Variants in TXNRD1 observed in about 807,000 individuals in gnomAD.
TXNRD1 encodes the protein thioredoxin reductase 1, cytoplasmic.
A neutral mutation model predicts 80.3 loss-of-function variants in TXNRD1; 57 were observed. The ratio of observed to expected loss-of-function variants is 0.71; its 90% CI spans 0.57 to 0.89. The LOEUF is 0.89. TXNRD1 is among the 40% of genes least tolerant of loss of function. The pLI, the probability that TXNRD1 is intolerant of heterozygous loss-of-function variation, is 0.00. For synonymous variants in TXNRD1, 291 were observed against 285.2 expected (o/e 1.02, Z -0.20); for missense variants, 730 against 803.0 (o/e 0.91, Z 1.10).
At chr12:104,237,185 T>A (rs1247532956) in intron 1 of TXNRD1, among the ~76,000 whole-genome samples, 2 of 152,220 alleles carry the variant, frequency 1.3e-5, no homozygotes, top group Non-Finnish European at 2.9e-5. Context: ...TTTTGGGGTA[T>A]CAAATTACTT....
chr12:104,266,462 G>A (rs1217671739), intron 3 of TXNRD1, among the ~76,000 whole-genome samples: 2 of 145,808 alleles, frequency 1.4e-5, no homozygotes, highest in East Asian at 4.1e-4. Context: ...GGAGGTGGAG[G>A]TTGCAGTGAG....
chr12:104,285,740 T>C (rs908373839), intron 3 of TXNRD1, among the ~76,000 whole-genome samples: 3 of 152,200 alleles, frequency 2.0e-5, no homozygotes, highest in Admixed American at 6.5e-5. Flanking sequence ...TATAAAATTA[T>C]TAATACAGAA....
intron 1 of TXNRD1, among the ~76,000 whole-genome samples, chr12:104,229,403 C>G (rs2032559737): frequency 6.6e-6 from 1 of 151,444 alleles, no homozygotes; most frequent in Non-Finnish European, 1.5e-5. Flanking sequence ...CTGCCTTGGC[C>G]TATTCTGGGC....
At chr12:104,251,925 G>A (rs557278385) in intron 2 of TXNRD1, among the ~76,000 whole-genome samples, 68 of 152,050 alleles carry the variant, frequency 4.5e-4, no homozygotes, top group African/African-American at 1.5e-3. Flanking sequence ...TTAGCCCAAC[G>A]TGGTGTCATG....
chr12:104,224,574 C>T (rs773232041), intron 1 of TXNRD1, among the ~76,000 whole-genome samples: 2 of 151,866 alleles, frequency 1.3e-5, no homozygotes, highest in Non-Finnish European at 2.9e-5. Flanking sequence ...TTAGTAAAGA[C>T]GGGGTTTCAC....
At chr12:104,217,762 A>G (rs2032250277) in intron 1 of TXNRD1, among the ~76,000 whole-genome samples, 1 of 152,232 alleles carries the variant, frequency 6.6e-6, no homozygotes, top group East Asian at 1.9e-4. Context: ...AGCCCCTGGT[A>G]TCCATCATTC....
intron 1 of TXNRD1, among the ~76,000 whole-genome samples, chr12:104,222,436 A>G (rs1465630506): frequency 6.6e-6 from 1 of 152,246 alleles, no homozygotes; most frequent in Non-Finnish European, 1.5e-5. Context: ...GAAAGAACCA[A>G]TAAAATGGTA....
At chr12:104,319,108 A>G in intron 8 of TXNRD1, 53 bp downstream of exon 8, 1 of 1,553,750 alleles carries the variant, frequency 6.4e-7, no homozygotes, top group Non-Finnish European at 8.7e-7. Flanking sequence ...TCTCTTTTTA[A>G]AAGCTTTGGT....
chr12:104,309,481 G>T, intron 4 of TXNRD1, among the ~76,000 whole-genome samples: 1 of 152,162 alleles, frequency 6.6e-6, no homozygotes, highest in South Asian at 2.1e-4. Flanking sequence ...TAGGTATGTT[G>T]GAGGAGGGGG....
At chr12:104,275,583 G>A (rs112176548) in intron 3 of TXNRD1, among the ~76,000 whole-genome samples, 2,714 of 151,986 alleles carry the variant, frequency 0.018, 74 homozygotes, top group African/African-American at 0.061. Context: ...GGGTTTCTCC[G>A]TGTTGGTCAG....
intron 4 of TXNRD1, among the ~76,000 whole-genome samples, chr12:104,305,449 G>A (rs998319817): frequency 7.2e-5 from 11 of 152,162 alleles, no homozygotes; most frequent in African/African-American, 2.7e-4. Flanking sequence ...TTATGAGTGA[G>A]TATCCATATT....
At chr12:104,236,203 C>G (rs1488742285) in intron 1 of TXNRD1, among the ~76,000 whole-genome samples, 1 of 152,070 alleles carries the variant, frequency 6.6e-6, no homozygotes, top group Non-Finnish European at 1.5e-5. Flanking sequence ...TTGGTTCGGC[C>G]TAAACCAGGG....
rs557395405 is a variant in TXNRD1 at position 104,250,880 on chromosome 12, C to T, written c.92-647C>T. ...GGTAGCAATCTCTTGGTGGTTTTGA[C>T]TGGTGATGATGCCCAGGATGACAGT... On this transcript the variant is annotated intron_variant, in intron 1 of 16. Coordinates refer to ENST00000525566, the MANE Select transcript of TXNRD1 (RefSeq NM_001093771.3). Among the ~76,000 whole-genome samples, 4 of 152,224 alleles carry T rather than the reference C, an allele frequency of 2.6e-5. No individual in the cohort carries two copies. In the South Asian group the frequency reaches 8.3e-4, roughly 32 times the overall value.
In TXNRD1 at chr12:104,321,181, T is replaced by C. The variant is rs780257349; in HGVS notation, c.1080T>C (p.Ala360=). ...CTTTGGAGTGCGCTGGATTTCTTGC[T>C]GGTATTGGTTTAGACGTCACTGTTA... The part of the protein sequence containing the change: ...YVALECAGFL[A]GIGLDVTVMV... The change falls in exon 10 of 17, where the codon GCT becomes GCC. Residue 360 remains alanine (A), a synonymous_variant. Coordinates refer to ENST00000525566, the MANE Select transcript of TXNRD1 (RefSeq NM_001093771.3). 3 of 1,613,912 alleles carry C rather than the reference T, an allele frequency of 1.9e-6. No individual in the cohort carries two copies. In the East Asian group the frequency reaches 6.7e-5, roughly 36 times the overall value.
intron 4 of TXNRD1, chr12:104,304,398 A>G: frequency 3.1e-6 from 5 of 1,614,060 alleles, no homozygotes; most frequent in Non-Finnish European, 4.2e-6. Flanking sequence ...AAGGCAATAG[A>G]AAAGGAAGCA....
intron 2 of TXNRD1, 92 bp downstream of exon 2, chr12:104,251,770 G>A: frequency 6.7e-7 from 1 of 1,491,570 alleles, no homozygotes; most frequent in Non-Finnish European, 9.1e-7. Context: ...TTACCTTTAG[G>A]AAGAGTGTAT....
intron 14 of TXNRD1, among the ~76,000 whole-genome samples, chr12:104,333,319 GTT>G (rs1176020874): frequency 6.6e-6 from 1 of 151,870 alleles, no homozygotes. Flanking sequence ...CAATATTTAA[GTT>G]TTTTAAAATT....
intron 16 of TXNRD1, among the ~76,000 whole-genome samples, chr12:104,340,088 C>T (rs749396034): frequency 6.6e-6 from 1 of 152,164 alleles, no homozygotes; most frequent in Non-Finnish European, 1.5e-5. Flanking sequence ...CCTGGAAAAA[C>T]ATTTTAGCTT....
At chr12:104,244,698 A>G (rs1232602096) in intron 1 of TXNRD1, among the ~76,000 whole-genome samples, 1 of 152,234 alleles carries the variant, frequency 6.6e-6, no homozygotes, top group Non-Finnish European at 1.5e-5. Flanking sequence ...GGTTAGAACA[A>G]GAGAGCTACT....
Sources: gnomAD v4.1 joint callset for allele counts (sites outside exome capture counted in the v4.1 genomes callset) on GRCh38, gnomAD v4.1.1 for gene constraint, MANE v1.5 for transcripts, NCBI Gene and HGNC (gene_info 2026-07-23, HGNC 2026-07-21) for gene names.